APOH: variants seen among roughly 807,000 people sequenced by gnomAD.
The protein encoded by APOH is apolipoprotein H.
A neutral mutation model predicts 39.8 loss-of-function variants in APOH; 48 were observed. That is an observed-to-expected ratio of 1.21 (90% CI 0.96 to 1.54). APOH has a LOEUF of 1.54. Among genes scored for constraint, APOH ranks in the 40% most tolerant of loss-of-function variants. APOH has a pLI of 0.00. For missense variants in APOH, 415 were observed against 421.2 expected, an observed-to-expected ratio of 0.99 and a Z score of 0.13; for synonymous variants, 153 against 151.1, an observed-to-expected ratio of 1.01 and a Z score of -0.09.
At chr17:66,218,458 G>A (rs1270286400) in intron 5 of APOH, among the ~76,000 whole-genome samples, 1 of 151,986 alleles carries the variant, frequency 6.6e-6, no homozygotes, top group Non-Finnish European at 1.5e-5. Flanking sequence ...ACAGGCGCAC[G>A]CCACCACACC....
chr17:66,221,811 A>G lies in APOH; in HGVS notation c.416-1069T>C, dbSNP rs950178337. ...GAGTACTATGGAGCTTCAACAAGTTATACTAGCATAAAAGAAGATAGTGCT... is the reference window on the plus strand; with the variant it reads ...GAGTACTATGGAGCTTCAACAAGTTGTACTAGCATAAAAGAAGATAGTGCT... On this transcript the variant is annotated intron_variant, in intron 4 of 7. Coordinates refer to ENST00000205948, the MANE Select transcript of APOH (RefSeq NM_000042.3). 5.3e-5 allele frequency among the ~76,000 whole-genome samples: 8 copies of G among 152,310 alleles called. No homozygotes were observed. In the East Asian group the frequency reaches 1.5e-3, roughly 29 times the overall value.
intron 4 of APOH, among the ~76,000 whole-genome samples, chr17:66,221,151 C>G (rs2073396572): frequency 6.6e-6 from 1 of 150,886 alleles, no homozygotes; most frequent in Non-Finnish European, 1.5e-5. Flanking sequence ...CAAAATCGCA[C>G]CACTGCACTC....
chr17:66,212,779 T>C (rs2073343835), intron 7 of APOH, among the ~76,000 whole-genome samples: 1 of 152,236 alleles, frequency 6.6e-6, no homozygotes, highest in South Asian at 2.1e-4. Context: ...ATCGGCCCTT[T>C]ACAGTACTGC....
chr17:66,214,412 G>A, intron 7 of APOH, 41 bp downstream of exon 7: 1 of 1,554,012 alleles, frequency 6.4e-7, no homozygotes, highest in Non-Finnish European at 8.9e-7. Context: ...ATGATGACGG[G>A]CAAGTGGGAG....
chr17:66,217,420 C>T (rs2146992620), intron 5 of APOH, among the ~76,000 whole-genome samples: 1 of 143,674 alleles, frequency 7.0e-6, no homozygotes, highest in South Asian at 2.3e-4. Context: ...TCAATTCAGA[C>T]TATGGAAGAA....
At position 66,221,264 on chromosome 17, in the gene APOH, A is replaced by AG. The variant is rs1250758209; in HGVS notation, c.416-523dup. On this transcript the variant is annotated intron_variant, in intron 4 of 7. Transcript: ENST00000205948. The stretch of plus-strand genomic sequence containing the variant: ...GACAGAAAGAAAGAGAGAGAGAGAA[A>AG]GAAAGGAAGGAAGGAAGGAAGGAAG... Among the ~76,000 whole-genome samples, 175 of 131,598 alleles carry AG rather than the reference A, an allele frequency of 1.3e-3. 3 individuals carry two copies. Among genetic ancestry groups the AG allele is most frequent in the Non-Finnish European group, 9.0e-4 (54 of 59,930 alleles). 86.3% of individuals were successfully genotyped at this position (131,598 alleles called of 152,430 possible). A position where few individuals can be genotyped will look rare whatever the true frequency, so the allele number is the denominator to read the frequency against.
chr17:66,213,946 A>T (rs1305656989), intron 7 of APOH, among the ~76,000 whole-genome samples: 1 of 152,098 alleles, frequency 6.6e-6, no homozygotes, highest in Non-Finnish European at 1.5e-5. Flanking sequence ...AAAAAAAAAA[A>T]AAATTGGAAA....
At chr17:66,226,851 A>C (rs1314326242) in intron 2 of APOH, among the ~76,000 whole-genome samples, 1 of 152,006 alleles carries the variant, frequency 6.6e-6, no homozygotes, top group Admixed American at 6.6e-5. Flanking sequence ...TGAAATTTTT[A>C]GTGTTCCAGA....
At chr17:66,225,864 G>C (rs8178906) in intron 3 of APOH, among the ~76,000 whole-genome samples, 164 bp downstream of exon 3, 3,118 of 149,152 alleles carry the variant, frequency 0.021, 112 homozygotes, top group African/African-American at 0.072. Flanking sequence ...GCGACAGAGC[G>C]AGACTCCGTC....
At chr17:66,215,985 T>C (rs1392944641) in intron 6 of APOH, among the ~76,000 whole-genome samples, 3 of 152,064 alleles carry the variant, frequency 2.0e-5, no homozygotes, top group Admixed American at 6.6e-5. Context: ...CCAATTTCCT[T>C]GAACTCACTC....
At chr17:66,220,874 A>C in intron 4 of APOH, 132 bp from the exon 5 acceptor site, 1 of 962,964 alleles carries the variant, frequency 1.0e-6, no homozygotes, top group Non-Finnish European at 1.5e-6. Flanking sequence ...CAGGGTAAAA[A>C]TTGTCAATTG....
chr17:66,217,847 G>T (rs1357788287), intron 5 of APOH, among the ~76,000 whole-genome samples: 1 of 151,982 alleles, frequency 6.6e-6, no homozygotes, highest in Non-Finnish European at 1.5e-5. Flanking sequence ...GGAGGCTAAG[G>T]CAGGAGAATC....
intron 4 of APOH, among the ~76,000 whole-genome samples, chr17:66,222,257 C>T (rs1226582765): frequency 1.3e-5 from 2 of 151,900 alleles, no homozygotes; most frequent in Admixed American, 6.6e-5. Context: ...GATCTGGTGG[C>T]GCTCATCTAT....
intron 7 of APOH, among the ~76,000 whole-genome samples, chr17:66,212,843 T>G (rs2073344279): frequency 6.6e-6 from 1 of 152,226 alleles, no homozygotes; most frequent in African/African-American, 2.4e-5. Flanking sequence ...TCAACAAAGC[T>G]AAGACTTTTT....
Position 66,223,693 on chromosome 17 carries a change from C to A in APOH, c.415+5G>T. ...ACCAGCTGATCACCTTGCCCACAGA[C>A]TTACGAGCACAGACAGGAAGCTCCG... On this transcript the variant is annotated splice_donor_5th_base_variant and intron_variant, in intron 4 of 7. Transcript: ENST00000205948. The A allele has an allele frequency of 6.2e-7, 1 of 1,614,072 alleles. No homozygotes were observed. The highest frequency in any genetic ancestry group is 8.5e-7 in the Non-Finnish European group (1 of 1,179,916).
intron 6 of APOH, among the ~76,000 whole-genome samples, chr17:66,215,083 T>C (rs1007306310): frequency 1.3e-5 from 2 of 152,082 alleles, no homozygotes; most frequent in African/African-American, 4.8e-5. Context: ...CCTTCAGCCA[T>C]AGGGAAGCCA....
chr17:66,228,208 C>T lies in APOH; in HGVS notation c.65-12G>A. On this transcript the variant is annotated splice_polypyrimidine_tract_variant and intron_variant, in intron 1 of 7. Transcript: ENST00000205948. The stretch of plus-strand genomic sequence containing the variant: ...TGGCTTGGGACAGGCTGAAAGAGGG[C>T]ACAAAGCAGATGGTTAACAAATCTC... 1 of 1,606,368 alleles carries T rather than the reference C, an allele frequency of 6.2e-7. No homozygotes were observed. The highest frequency in any genetic ancestry group is 8.5e-7 in the Non-Finnish European group (1 of 1,175,392).
rs562062876 is a variant in APOH, at chr17:66,214,148, C to T, written c.982+305G>A. ...GATCTCGGCTCACTGCAACCTCCAC[C>T]TCCCAGGTTCAAGTGATGCTCCTGC... On this transcript the variant is annotated intron_variant, in intron 7 of 7. Coordinates refer to ENST00000205948, the MANE Select transcript of APOH (RefSeq NM_000042.3). Among the ~76,000 whole-genome samples the T allele has an allele frequency of 3.3e-3, 496 of 152,292 alleles. 2 individuals carry two copies. The highest frequency in any genetic ancestry group is 7.0e-3 in the South Asian group (34 of 4,828).
intron 4 of APOH, 87 bp downstream of exon 4, chr17:66,223,611 C>T: frequency 8.8e-7 from 1 of 1,136,460 alleles, no homozygotes; most frequent in African/African-American, 1.5e-5. Context: ...TGAGCTGTGA[C>T]TGAAGAGATT....
Sources: gnomAD v4.1 joint callset for allele counts (sites outside exome capture counted in the v4.1 genomes callset) on GRCh38, gnomAD v4.1.1 for gene constraint, MANE v1.5 for transcripts, NCBI Gene and HGNC (gene_info 2026-07-23, HGNC 2026-07-21) for gene names.